HAPLN1: variants seen among roughly 807,000 people sequenced by gnomAD.
HAPLN1 encodes Cartilage link protein.
HAPLN1 carries 13 observed loss-of-function variants against 36.5 expected under a neutral mutation model. The ratio of observed to expected loss-of-function variants is 0.36; its 90% CI spans 0.23 to 0.57. The LOEUF is 0.57. Ranked by LOEUF, HAPLN1 falls within the 20% of genes least tolerant of loss-of-function variation. The pLI is 0.83. For synonymous variants in HAPLN1, 202 were observed against 169.8 expected (o/e 1.19, Z -1.48); for missense variants, 407 against 439.7 (o/e 0.93, Z 0.66).
At chr5:83,708,893 T>A (rs957150161) in intron 1 of HAPLN1, among the ~76,000 whole-genome samples, 14 of 152,040 alleles carry the variant, frequency 9.2e-5, no homozygotes, top group Non-Finnish European at 4.4e-5. Flanking sequence ...TTTTTTCTGT[T>A]TTTTTGAGAC....
intron 3 of HAPLN1, among the ~76,000 whole-genome samples, chr5:83,647,592 GA>G (rs776818426): frequency 6.6e-6 from 1 of 152,110 alleles, no homozygotes; most frequent in Non-Finnish European, 1.5e-5. Flanking sequence ...TGGCTCTGTA[GA>G]AAAAATGTGC....
Position 83,644,516 on chromosome 5 carries a change from C to T in HAPLN1, c.622G>A (p.Gly208Ser), listed in dbSNP as rs868346551. The change falls in exon 4 of 5, where the codon GGC (glycine) becomes AGC (serine). Residue 208 changes from glycine to serine, a missense_variant. By Grantham distance (56) the Gly-to-Ser change is moderately conservative. Transcript: ENST00000274341. ...WRGGLDWCNA[G>S]WLSDGSVQYP... ...TGCACAGAGCCATCACTGAGCCAGCCGGCATTGCACCAGTCCAGCCCGCCC... is the reference window on the plus strand; with the variant it reads ...TGCACAGAGCCATCACTGAGCCAGCTGGCATTGCACCAGTCCAGCCCGCCC... 7 of 1,611,918 alleles carry T rather than the reference C, an allele frequency of 4.3e-6. No individual in the cohort carries two copies. The highest frequency in any genetic ancestry group is 5.9e-6 in the Non-Finnish European group (7 of 1,179,040).
At chr5:83,682,025 T>C (rs933948013) in intron 1 of HAPLN1, among the ~76,000 whole-genome samples, 6 of 152,186 alleles carry the variant, frequency 3.9e-5, no homozygotes, top group African/African-American at 1.4e-4. Flanking sequence ...GATCATTACG[T>C]CAGTTTCAAC....
In HAPLN1 at chr5:83,638,272, G is replaced by T. The variant is rs1019409304; in HGVS notation, c.*3224C>A. On this transcript the variant is annotated 3_prime_UTR_variant, in exon 5 of 5. Coordinates refer to ENST00000274341, the MANE Select transcript of HAPLN1 (RefSeq NM_001884.4). The stretch of plus-strand genomic sequence containing the variant: ...AGAAAATCAAAACATTTTTTTTTTG[G>T]TAATACAGATTGATTCTTCTCCTCA... The T allele has an allele frequency of 1.3e-4, 20 of 150,906 alleles. No individual in the cohort carries two copies. Among genetic ancestry groups the T allele is most frequent in the Admixed American group, 1.1e-3 (17 of 15,208 alleles). The allele number at this position is 150,906 out of a possible 1,614,324, so 9.3% of individuals were successfully genotyped here.
intron 1 of HAPLN1, 199 bp from the exon 2 acceptor site, chr5:83,673,748 C>G: frequency 2.0e-6 from 1 of 490,906 alleles, no homozygotes; most frequent in Non-Finnish European, 3.6e-6. Flanking sequence ...ATCATGTAGC[C>G]AGAGTCCAAA....
At chr5:83,719,157 G>A (rs573525432) in intron 1 of HAPLN1, among the ~76,000 whole-genome samples, 20 of 152,330 alleles carry the variant, frequency 1.3e-4, no homozygotes, top group African/African-American at 4.6e-4. Flanking sequence ...CTAAATTACA[G>A]TGTCAGTCAT....
chr5:83,660,331 A>G (rs1750350301), intron 2 of HAPLN1, among the ~76,000 whole-genome samples: 1 of 152,216 alleles, frequency 6.6e-6, no homozygotes. Flanking sequence ...ATGAAGATAA[A>G]TTCTATCACT....
chr5:83,650,685 A>G (rs1214745557), intron 3 of HAPLN1, among the ~76,000 whole-genome samples: 1 of 127,278 alleles, frequency 7.9e-6, no homozygotes, highest in African/African-American at 3.1e-5. Flanking sequence ...CCCAGGCTGG[A>G]GTGCAGTGGT....
intron 1 of HAPLN1, among the ~76,000 whole-genome samples, chr5:83,718,716 T>A (rs1751964282): frequency 6.6e-6 from 1 of 152,212 alleles, no homozygotes; most frequent in South Asian, 2.1e-4. Context: ...TGAAGCACTA[T>A]CAAAATTATT....
chr5:83,683,365 G>A (rs551787502), intron 1 of HAPLN1, among the ~76,000 whole-genome samples: 4 of 152,082 alleles, frequency 2.6e-5, no homozygotes, highest in African/African-American at 7.2e-5. Context: ...GCAGTGTAGA[G>A]GTGGCAGAGT....
At chr5:83,672,058 T>C (rs1750740905) in intron 2 of HAPLN1, among the ~76,000 whole-genome samples, 1 of 152,194 alleles carries the variant, frequency 6.6e-6, no homozygotes, top group Non-Finnish European at 1.5e-5. Context: ...TTTAAAACAC[T>C]ATTCTCATAC....
chr5:83,665,530 G>T (rs955136990), intron 2 of HAPLN1, among the ~76,000 whole-genome samples: 1 of 152,074 alleles, frequency 6.6e-6, no homozygotes, highest in Non-Finnish European at 1.5e-5. Flanking sequence ...GTTTTCAAAG[G>T]CGTTTTTATT....
intron 2 of HAPLN1, among the ~76,000 whole-genome samples, chr5:83,656,267 G>A (rs1213636344): frequency 1.4e-5 from 2 of 143,338 alleles, no homozygotes; most frequent in Non-Finnish European, 3.0e-5. Context: ...AGTGGAGGTG[G>A]CAGTGAGCTG....
chr5:83,711,410 G>A (rs143974778), intron 1 of HAPLN1, among the ~76,000 whole-genome samples: 121 of 152,230 alleles, frequency 7.9e-4, no homozygotes, highest in African/African-American at 2.9e-3. Context: ...AAGTGTGGAG[G>A]ACGGGGGCAG....
At chr5:83,690,483 G>T (rs369259286) in intron 1 of HAPLN1, among the ~76,000 whole-genome samples, 7 of 151,998 alleles carry the variant, frequency 4.6e-5, no homozygotes, top group South Asian at 4.1e-4. Context: ...AAGGTTTTAT[G>T]AACAATTCTT....
chr5:83,645,475 C>CTTTTTCTTTTTT (rs1749837661), intron 3 of HAPLN1, among the ~76,000 whole-genome samples: 1 of 74,370 alleles, frequency 1.3e-5, no homozygotes. Flanking sequence ...CTTTTTCTTT[C>CTTTTTCTTTTTT]TTTTTTTTTT....
intron 1 of HAPLN1, among the ~76,000 whole-genome samples, chr5:83,686,837 AT>A (rs1292035649): frequency 1.3e-5 from 2 of 152,168 alleles, no homozygotes; most frequent in African/African-American, 4.8e-5. Flanking sequence ...GGTCACTTAA[AT>A]TTCAGGGAGT....
intron 3 of HAPLN1, among the ~76,000 whole-genome samples, chr5:83,645,368 T>C (rs1214256013): frequency 6.6e-6 from 1 of 152,030 alleles, no homozygotes; most frequent in Non-Finnish European, 1.5e-5. Flanking sequence ...CCATGGCCCA[T>C]GAGCCACATG....
intron 1 of HAPLN1, among the ~76,000 whole-genome samples, chr5:83,676,764 ACTC>A (rs1279307874): frequency 6.6e-6 from 1 of 152,008 alleles, no homozygotes; most frequent in Non-Finnish European, 1.5e-5. Context: ...GCTATTATCA[ACTC>A]CTGAATTAGT....
Sources: gnomAD v4.1 joint callset for allele counts (sites outside exome capture counted in the v4.1 genomes callset) on GRCh38, gnomAD v4.1.1 for gene constraint, MANE v1.5 for transcripts, NCBI Gene and HGNC (gene_info 2026-07-23, HGNC 2026-07-21) for gene names.